Variants in NLRP14 observed in about 807,000 individuals in gnomAD.
The protein encoded by NLRP14 is NACHT, LRR and PYD domains-containing protein 14.
In NLRP14, 105 loss-of-function variants were observed where a neutral mutation model predicts 94.7. The ratio of observed to expected loss-of-function variants is 1.11; its 90% CI spans 0.95 to 1.30. The LOEUF is 1.30. Ranked by LOEUF, NLRP14 falls within the 50% of genes most tolerant of loss-of-function variation. NLRP14 has a pLI of 0.00. For synonymous variants in NLRP14, 508 were observed against 459.9 expected, an observed-to-expected ratio of 1.10 and a Z score of -1.34; for missense variants, 1,362 against 1,254.1, an observed-to-expected ratio of 1.09 and a Z score of -1.30.
rs78782028 is a variant in NLRP14, at chr11:7,043,804, C to T, written c.1778C>T (p.Ala593Val). The T allele has an allele frequency of 6.2e-6, 10 of 1,614,098 alleles. No individual in the cohort carries two copies. The highest frequency in any genetic ancestry group is 4.5e-5 in the East Asian group (2 of 44,886). Reference protein sequence around the residue: ...FHCLYETQDKAFISQAMRCFP... With the variant: ...FHCLYETQDKVFISQAMRCFP... The stretch of plus-strand genomic sequence containing the variant: ...TGTCTGTATGAGACTCAAGATAAAG[C>T]GTTTATAAGCCAGGCAATGAGATGT... Residue 593 changes from alanine to valine, a missense_variant, in exon 4 of 12, where the codon GCG becomes GTG. Transcript: ENST00000299481.
intron 1 of NLRP14, among the ~76,000 whole-genome samples, chr11:7,034,371 T>C (rs980732194): frequency 6.6e-6 from 1 of 152,294 alleles, no homozygotes; most frequent in East Asian, 1.9e-4. Flanking sequence ...CACTATGAGA[T>C]GCTATCGGCT....
At chr11:7,045,826 T>G (rs1178180542) in intron 4 of NLRP14, among the ~76,000 whole-genome samples, 2 of 151,910 alleles carry the variant, frequency 1.3e-5, no homozygotes, top group Non-Finnish European at 2.9e-5. Context: ...GCTAAGCATT[T>G]TCTACATACT....
chr11:7,032,646 A>C (rs1307743934), intron 1 of NLRP14, among the ~76,000 whole-genome samples: 2 of 152,130 alleles, frequency 1.3e-5, no homozygotes, highest in Non-Finnish European at 2.9e-5. Flanking sequence ...CCTGGTTTGC[A>C]TTAGTTGTGC....
chr11:7,057,837 G>C lies in NLRP14; in HGVS notation c.2452G>C (p.Glu818Gln), dbSNP rs958945155. The C allele has an allele frequency of 1.2e-6, 2 of 1,611,860 alleles. No individual in the cohort carries two copies. The highest frequency in any genetic ancestry group is 3.3e-5 in the Admixed American group (2 of 59,944). Residue 818 changes from glutamate (E) to glutamine (Q), a missense_variant, in exon 7 of 12, where the codon GAG (glutamate) becomes CAG (glutamine). Coordinates refer to ENST00000299481, the MANE Select transcript of NLRP14 (RefSeq NM_176822.4). The stretch of plus-strand genomic sequence containing the variant: ...CTTAAGACATCCAAAGTGTTATCTA[G>C]AGAGACTGTCGTGAGTGTTTCTGTT... ...EALRHPKCYL[E>Q]RLSLESCGLT...
At chr11:7,059,651 A>G (rs1018425626) in intron 8 of NLRP14, among the ~76,000 whole-genome samples, 18 of 152,012 alleles carry the variant, frequency 1.2e-4, no homozygotes, top group African/African-American at 4.1e-4. Flanking sequence ...GTATATGTGT[A>G]ATGTAATGAG....
At position 7,046,578 on chromosome 11, in the gene NLRP14, C is replaced by G; in HGVS notation, c.1959-90C>G. On this transcript the variant is annotated intron_variant, in intron 4 of 11. Coordinates refer to ENST00000299481, the MANE Select transcript of NLRP14 (RefSeq NM_176822.4). The stretch of plus-strand genomic sequence containing the variant: ...GATGCTCTTGCCTTTCCAAAGTACA[C>G]TTACTTTTACTCCAATACTATCCTC... The G allele has an allele frequency of 2.4e-6, 3 of 1,262,046 alleles. No individual in the cohort carries two copies. The South Asian group carries it at 3.6e-5, about 15-fold the overall frequency. The allele number at this position is 1,262,046 out of a possible 1,614,324, so 78.2% of individuals were successfully genotyped here.
intron 9 of NLRP14, among the ~76,000 whole-genome samples, chr11:7,061,997 A>G (rs1462951050): frequency 6.6e-6 from 1 of 152,050 alleles, no homozygotes; most frequent in Non-Finnish European, 1.5e-5. Context: ...ACTTAAAGAT[A>G]TATTAAAAAC....
chr11:7,035,760 C>T (rs1442764980), intron 1 of NLRP14, among the ~76,000 whole-genome samples: 1 of 152,102 alleles, frequency 6.6e-6, no homozygotes, highest in African/African-American at 2.4e-5. Context: ...CTACTCTGGC[C>T]CAGATGATAG....
intron 1 of NLRP14, among the ~76,000 whole-genome samples, chr11:7,025,010 G>A (rs1851995740): frequency 6.6e-6 from 1 of 152,080 alleles, no homozygotes; most frequent in Non-Finnish European, 1.5e-5. Context: ...GTTTATAAAA[G>A]TGAAGAAACA....
the NLRP14 span, among the ~76,000 whole-genome samples, chr11:7,080,381 A>T: frequency 6.6e-6 from 1 of 152,212 alleles, no homozygotes; most frequent in Non-Finnish European, 1.5e-5. Context: ...GGGGGTTCCT[A>T]CGATGCCCTC....
intron 9 of NLRP14, among the ~76,000 whole-genome samples, chr11:7,060,981 C>T (rs140950319): frequency 2.0e-5 from 3 of 152,098 alleles, no homozygotes; most frequent in South Asian, 2.1e-4. Flanking sequence ...AAAACAGAGG[C>T]GTCACTTAGC....
At chr11:7,070,144 T>C in intron 10 of NLRP14, 142 bp from the exon 11 acceptor site, 1 of 665,792 alleles carries the variant, frequency 1.5e-6, no homozygotes, top group Non-Finnish European at 2.7e-6. Flanking sequence ...TATAGGTACT[T>C]ATAGTCCTTG....
At chr11:7,030,844 C>G (rs1852081400) in intron 1 of NLRP14, among the ~76,000 whole-genome samples, 1 of 152,190 alleles carries the variant, frequency 6.6e-6, no homozygotes, top group Non-Finnish European at 1.5e-5. Context: ...TTTCCCACAT[C>G]GGGAAAGCAA....
At chr11:7,075,257 A>T (rs911234896), downstream of NLRP14, among the ~76,000 whole-genome samples, 2 of 152,204 alleles carry the variant, frequency 1.3e-5, no homozygotes, top group Non-Finnish European at 2.9e-5. Flanking sequence ...ACTATCACGA[A>T]ATTTAAAGAT....
the NLRP14 span, chr11:7,089,789 A>G: frequency 1.6e-4 from 248 of 1,598,842 alleles, 5 homozygotes; most frequent in South Asian, 2.6e-3. Flanking sequence ...ACTCGAGCCG[A>G]GACTACCGCG....
In NLRP14 at chr11:7,042,500, T is replaced by G. The variant is rs1321028044; in HGVS notation, c.474T>G (p.Asp158Glu). Residue 158 changes from aspartate to glutamate, a missense_variant, in exon 4 of 12, where the codon GAT becomes GAG. By Grantham distance (45) the Asp-to-Glu change is conservative. Coordinates refer to ENST00000299481, the MANE Select transcript of NLRP14 (RefSeq NM_176822.4). ...TCCATCATGGAATTGCAGAGAAAGA[T>G]AGAAAACTGTTGGAACACTTGTTCG... Reference protein sequence around the residue: ...EDFHHGIAEKDRKLLEHLFDV... With the variant: ...EDFHHGIAEKERKLLEHLFDV... 3.7e-6 allele frequency: 6 copies of G among 1,614,056 alleles called. No homozygotes were observed. In the South Asian group the frequency reaches 4.4e-5, roughly 12 times the overall value.
chr11:7,060,318 T>G (rs1225860981), intron 9 of NLRP14, among the ~76,000 whole-genome samples: 2 of 152,026 alleles, frequency 1.3e-5, no homozygotes, highest in East Asian at 1.9e-4. Flanking sequence ...GCCATTTTAT[T>G]CTTTCCTTGG....
intron 10 of NLRP14, among the ~76,000 whole-genome samples, chr11:7,069,980 G>A (rs890734601): frequency 3.3e-5 from 5 of 152,108 alleles, no homozygotes; most frequent in African/African-American, 1.2e-4. Flanking sequence ...TAGTTATAGT[G>A]ATGTATTTTT....
chr11:7,047,389 G>C (rs1852371704), intron 5 of NLRP14, among the ~76,000 whole-genome samples: 1 of 150,916 alleles, frequency 6.6e-6, no homozygotes, highest in Non-Finnish European at 1.5e-5. Flanking sequence ...ATCGCAGCTA[G>C]AACTCCTGGG....
Sources: allele counts gnomAD v4.1 joint callset (sites outside exome capture counted in the v4.1 genomes callset), GRCh38; gene constraint gnomAD v4.1.1; transcripts MANE v1.5; gene names NCBI Gene and HGNC (gene_info 2026-07-23, HGNC 2026-07-21).